Variants in ADGRA3 observed in about 807,000 individuals in gnomAD.
ADGRA3 encodes adhesion G protein-coupled receptor A3, also known as G-protein coupled receptor 125.
In ADGRA3, 56 loss-of-function variants were observed where a neutral mutation model predicts 119.8. The observed-to-expected ratio is 0.47, with a 90% CI of 0.38 to 0.58. ADGRA3 has a LOEUF of 0.58. ADGRA3 is among the 20% of genes least tolerant of loss of function. The pLI is 0.00. For missense variants in ADGRA3, 1,516 were observed against 1,649.0 expected, an observed-to-expected ratio of 0.92 and a Z score of 1.40; for synonymous variants, 607 against 623.8, an observed-to-expected ratio of 0.97 and a Z score of 0.40.
At chr4:22,450,413 A>G (rs1344631014) in intron 4 of ADGRA3, among the ~76,000 whole-genome samples, 1 of 151,916 alleles carries the variant, frequency 6.6e-6, no homozygotes, top group Non-Finnish European at 1.5e-5. Flanking sequence ...TTACAGGTAC[A>G]TGCCACCAGG....
intron 4 of ADGRA3, among the ~76,000 whole-genome samples, chr4:22,452,963 C>G (rs1382748844): frequency 3.3e-5 from 5 of 151,896 alleles, no homozygotes; most frequent in African/African-American, 1.2e-4. Flanking sequence ...CTTTGGGAGT[C>G]TGGGTTGAGT....
At chr4:22,510,009 CAAAAAAAA>C (rs545010218) in intron 1 of ADGRA3, among the ~76,000 whole-genome samples, 1 of 98,914 alleles carries the variant, frequency 1.0e-5, no homozygotes, top group South Asian at 4.0e-4. Context: ...GACTCCGTCT[CAAAAAAAA>C]AAAAAAAAAA....
chr4:22,435,283 T>C (rs1716347685), intron 10 of ADGRA3, 28 bp downstream of exon 10: 4 of 1,579,902 alleles, frequency 2.5e-6, no homozygotes, highest in Non-Finnish European at 3.5e-6. Flanking sequence ...TGACACTGTA[T>C]GCTACAAATC....
intron 10 of ADGRA3, among the ~76,000 whole-genome samples, chr4:22,430,711 G>A (rs6855127): frequency 0.66 from 100,615 of 151,390 alleles, 34,190 homozygotes; most frequent in Non-Finnish European, 0.74. Flanking sequence ...GCAGAAATTT[G>A]CATAAGTAAC....
chr4:22,389,018 C>T, intron 18 of ADGRA3, 70 bp downstream of exon 18: 2 of 1,596,926 alleles, frequency 1.3e-6, no homozygotes, highest in South Asian at 2.2e-5. Context: ...TTGCAATCAC[C>T]TGTAATGCCT....
intron 2 of ADGRA3, among the ~76,000 whole-genome samples, chr4:22,470,157 T>A (rs908896323): frequency 6.6e-6 from 1 of 152,170 alleles, no homozygotes; most frequent in Non-Finnish European, 1.5e-5. Context: ...TTAATTAATA[T>A]GATACAATAC....
chr4:22,438,501 T>C, intron 7 of ADGRA3, 81 bp from the exon 8 acceptor site: 2 of 1,122,686 alleles, frequency 1.8e-6, no homozygotes, highest in South Asian at 1.7e-5. Flanking sequence ...ATCATTAATT[T>C]AGCAAATATT....
chr4:22,424,322 T>C lies in ADGRA3; in HGVS notation c.1474A>G (p.Asn492Asp). The C allele has an allele frequency of 6.2e-7, 1 of 1,613,756 alleles. No individual in the cohort carries two copies. The highest frequency in any genetic ancestry group is 8.5e-7 in the Non-Finnish European group (1 of 1,179,772). ...ACACGTTCATCAGCCAACATGATGT[T>C]ACTTGCAATGTCAACCATCACGTCA... Reference protein sequence around the residue: ...LGDVMVDIASNIMLADERVLW... With the variant: ...LGDVMVDIASDIMLADERVLW... Residue 492 changes from asparagine (N) to aspartate (D), a missense_variant, in exon 11 of 19, where the codon AAC becomes GAC. Asn to Asp is a conservative substitution (Grantham distance 23, BLOSUM62 1). Around this residue, in one of 2 missense-constraint regions of ADGRA3, gnomAD observed 1,088 missense variants for 1,107.1 expected, o/e 0.98. Coordinates refer to ENST00000334304, the MANE Select transcript of ADGRA3 (RefSeq NM_145290.4).
intron 14 of ADGRA3, among the ~76,000 whole-genome samples, chr4:22,406,240 GTTGA>G (rs899555609): frequency 1.3e-5 from 2 of 152,066 alleles, no homozygotes; most frequent in African/African-American, 4.8e-5. Context: ...GACACTTAAC[GTTGA>G]TTGTTTATCT....
chr4:22,479,222 G>T (rs1390258309), intron 1 of ADGRA3, among the ~76,000 whole-genome samples: 1 of 152,162 alleles, frequency 6.6e-6, no homozygotes, highest in Non-Finnish European at 1.5e-5. Flanking sequence ...CCAGCACTTT[G>T]GGAGGCCGAG....
At chr4:22,449,413 AG>A (rs1716950135) in intron 4 of ADGRA3, among the ~76,000 whole-genome samples, 1 of 152,164 alleles carries the variant, frequency 6.6e-6, no homozygotes, top group Non-Finnish European at 1.5e-5. Flanking sequence ...AAGACATGGT[AG>A]GTAAAACTGA....
intron 16 of ADGRA3, chr4:22,398,038 G>A (rs972975672): frequency 4.0e-5 from 39 of 980,520 alleles, no homozygotes; most frequent in Non-Finnish European, 4.7e-5. Context: ...GAGAAAGACT[G>A]AGAACACAGA....
At chr4:22,426,774 AT>A (rs1230681592) in intron 10 of ADGRA3, among the ~76,000 whole-genome samples, 3 of 152,228 alleles carry the variant, frequency 2.0e-5, no homozygotes, top group African/African-American at 7.2e-5. Flanking sequence ...ACAAGATCAA[AT>A]GACAAATAAT....
Position 22,499,641 on chromosome 4 carries a change from G to A in ADGRA3, c.257+15887C>T, listed in dbSNP as rs1718981495. Among the ~76,000 whole-genome samples, 3 of 152,132 alleles carry A rather than the reference G, an allele frequency of 2.0e-5. No homozygotes were observed. In the South Asian group the frequency reaches 6.2e-4, roughly 32 times the overall value. ...TGATGTTCTTATTCATCTTAACATG[G>A]CAGCTGTTTGAGATAGGGTCATTTA... On this transcript the variant is annotated intron_variant, in intron 1 of 18. Coordinates refer to ENST00000334304, the MANE Select transcript of ADGRA3 (RefSeq NM_145290.4).
chr4:22,450,251 C>T (rs144229306), intron 4 of ADGRA3, among the ~76,000 whole-genome samples: 3 of 151,460 alleles, frequency 2.0e-5, no homozygotes, highest in East Asian at 3.9e-4. Flanking sequence ...CCCACCCACC[C>T]CCATCCTTTA....
chr4:22,398,616 TA>T (rs1478744045), intron 16 of ADGRA3, among the ~76,000 whole-genome samples: 1 of 152,184 alleles, frequency 6.6e-6, no homozygotes, highest in Non-Finnish European at 1.5e-5. Flanking sequence ...GTGGGCTGTT[TA>T]TTTTAGTGAT....
chr4:22,486,860 A>T (rs952250793), intron 1 of ADGRA3, among the ~76,000 whole-genome samples: 1 of 152,188 alleles, frequency 6.6e-6, no homozygotes, highest in African/African-American at 2.4e-5. Context: ...ATATCATCCC[A>T]GGCCTTTCTA....
chr4:22,418,842 G>A (rs1365041370), intron 12 of ADGRA3, among the ~76,000 whole-genome samples: 2 of 152,168 alleles, frequency 1.3e-5, no homozygotes, highest in Non-Finnish European at 2.9e-5. Flanking sequence ...TGAAAAGAGA[G>A]GTCTGGGTGG....
chr4:22,436,672 A>G (rs758303898), intron 8 of ADGRA3, 31 bp from the exon 9 acceptor site: 2 of 1,571,406 alleles, frequency 1.3e-6, no homozygotes, highest in Non-Finnish European at 1.8e-6. Flanking sequence ...GTACAAGAAA[A>G]TCTAAATGAC....
Sources: gnomAD v4.1 joint callset for allele counts (sites outside exome capture counted in the v4.1 genomes callset) on GRCh38, gnomAD v4.1.1 for gene constraint, gnomAD v4.1.1 regional missense constraint, MANE v1.5 for transcripts, NCBI Gene and HGNC (gene_info 2026-07-23, HGNC 2026-07-21) for gene names.